MCTS1: variants seen among roughly 807,000 people sequenced by gnomAD.
MCTS1 encodes the protein malignant T-cell-amplified sequence 1.
For missense variants in MCTS1, 55 were observed against 128.6 expected (o/e 0.43, Z 2.77); for synonymous variants, 26 against 40.8 (o/e 0.64, Z 1.38).
chrX:120,607,847 C>T (rs1401172793), intron 3 of MCTS1, among the ~76,000 whole-genome samples: 1 of 110,995 alleles, frequency 9.0e-6, no homozygotes, highest in Non-Finnish European at 1.9e-5. Context: ...CGTTTTTTTA[C>T]TCTGCGTTTT....
intron 3 of MCTS1, among the ~76,000 whole-genome samples, chrX:120,606,784 C>CA (rs763945946): frequency 0.025 from 931 of 37,288 alleles, 18 homozygotes; most frequent in East Asian, 0.092. Context: ...GACTTAGTCT[C>CA]AAAAAAAAAA....
chrX:120,614,013 CAT>C lies in MCTS1; in HGVS notation c.*1753_*1754del, dbSNP rs774032330. Among the ~76,000 whole-genome samples, 82 of 112,333 alleles carry C rather than the reference CAT, an allele frequency of 7.3e-4. 1 individual carries two copies. The highest frequency in any genetic ancestry group is 2.5e-3 in the African/African-American group (77 of 30,957). On this transcript the variant is annotated 3_prime_UTR_variant, in exon 6 of 6. Transcript: ENST00000371317. ...ATTTTATTTTTCAGATGGATACAGACATATACAAGATTGTGGTGACCTGTGTT... is the reference window on the plus strand; with the variant it reads ...ATTTTATTTTTCAGATGGATACAGACATACAAGATTGTGGTGACCTGTGTT...
rs66864093 is a variant in MCTS1 at position 120,612,687 on chromosome X, ATGTGTGTGTGTGTGTG to A, written c.*433_*448del. On this transcript the variant is annotated 3_prime_UTR_variant, in exon 6 of 6. Transcript: ENST00000371317. ...TGTGTGTGTGTGTGTGTGTGTGTGT[ATGTGTGTGTGTGTGTG>A]TGTGTGTGTTTTGTTGATTGTTTTT... Among the ~76,000 whole-genome samples, 1 of 93,667 alleles carries A rather than the reference ATGTGTGTGTGTGTGTG, an allele frequency of 1.1e-5. No homozygotes were observed. The highest frequency in any genetic ancestry group is 3.8e-5 in the African/African-American group (1 of 26,200). 81.3% of individuals were successfully genotyped at this position (93,667 alleles called of 115,157 possible). A position where few individuals can be genotyped will look rare whatever the true frequency, so the allele number is the denominator to read the frequency against.
In MCTS1 at chrX:120,618,266, A is replaced by G. The variant is rs1926912291; in HGVS notation, c.*6002A>G. On this transcript the variant is annotated 3_prime_UTR_variant, in exon 6 of 6. Coordinates refer to ENST00000371317, the MANE Select transcript of MCTS1 (RefSeq NM_014060.3). ...GTTCCTGCCGACTGATGTTTTAACAAATTTTTAGTTTCTCATGATGTGAAA... is the reference window on the plus strand; with the variant it reads ...GTTCCTGCCGACTGATGTTTTAACAGATTTTTAGTTTCTCATGATGTGAAA... Among the ~76,000 whole-genome samples the G allele has an allele frequency of 8.9e-6, 1 of 112,117 alleles. No homozygotes were observed. Among genetic ancestry groups the G allele is most frequent in the Admixed American group, 9.4e-5 (1 of 10,594 alleles).
At chrX:120,604,707 C>T in intron 1 of MCTS1, 1 of 1,039,883 alleles carries the variant, frequency 9.6e-7, no homozygotes, top group Non-Finnish European at 1.2e-6. Flanking sequence ...GCCTGTCATG[C>T]CTATTGCCTA....
chrX:120,605,322 A>G (rs1926504077), intron 1 of MCTS1, 85 bp from the exon 2 acceptor site: 3 of 847,230 alleles, frequency 3.5e-6, no homozygotes, highest in Non-Finnish European at 4.9e-6. Flanking sequence ...TTGGGAATAA[A>G]TGACTAATTA....
chrX:120,605,313 T>G (rs867568115), intron 1 of MCTS1, 94 bp from the exon 2 acceptor site: 19 of 763,052 alleles, frequency 2.5e-5, no homozygotes, highest in South Asian at 3.2e-5. Context: ...AATACTTGGT[T>G]GGGAATAAAT....
At position 120,613,114 on chromosome X, in the gene MCTS1, T is replaced by C. The variant is rs972388039; in HGVS notation, c.*850T>C. ...GCTAATTTTGTATTTTTGGTAGAGA[T>C]GGGGTTTCGCTATGTTGGCCAGACT... On this transcript the variant is annotated 3_prime_UTR_variant, in exon 6 of 6. Coordinates refer to ENST00000371317, the MANE Select transcript of MCTS1 (RefSeq NM_014060.3). 3.6e-5 allele frequency among the ~76,000 whole-genome samples: 4 copies of C among 109,731 alleles called. No homozygotes were observed. The highest frequency in any genetic ancestry group is 1.3e-4 in the African/African-American group (4 of 30,176).
At chrX:120,605,607 T>C in intron 2 of MCTS1, 48 bp downstream of exon 2, 1 of 1,110,759 alleles carries the variant, frequency 9.0e-7, no homozygotes, top group Non-Finnish European at 1.2e-6. Context: ...GCTGAATATT[T>C]AATGATTAGA....
chrX:120,612,095 AT>A (rs1374326255), intron 5 of MCTS1, 87 bp from the exon 6 acceptor site: 1 of 702,669 alleles, frequency 1.4e-6, no homozygotes, highest in Non-Finnish European at 2.2e-6. Context: ...TAATTAAAAA[AT>A]AACAATATAC....
Position 120,604,882 on chromosome X carries a change from T to C in MCTS1, c.12-525T>C. 3 of 1,153,461 alleles carry C rather than the reference T, an allele frequency of 2.6e-6. No individual in the cohort carries two copies. In the East Asian group the frequency reaches 9.9e-5, roughly 38 times the overall value. On this transcript the variant is annotated intron_variant, in intron 1 of 5. Coordinates refer to ENST00000371317, the MANE Select transcript of MCTS1 (RefSeq NM_014060.3). ...GGCAAAGGAAGGTGGGTTTTGTGCA[T>C]GAAATTTTGAGCAAAAACGAATAGG...
In MCTS1 at chrX:120,605,389, G is replaced by A. The variant is rs1219942956; in HGVS notation, c.12-18G>A. 8.7e-7 allele frequency: 1 copy of A among 1,152,137 alleles called. No homozygotes were observed. The highest frequency in any genetic ancestry group is 3.2e-5 in the East Asian group (1 of 30,978). 94.9% of individuals were successfully genotyped at this position (1,152,137 alleles called of 1,213,427 possible). On this transcript the variant is annotated intron_variant, in intron 1 of 5. Coordinates refer to ENST00000371317, the MANE Select transcript of MCTS1 (RefSeq NM_014060.3). ...ACTTAGAAATGCCTTTTCTTTTCTT[G>A]CAAAAATTACTTGGCAGATTTGATG...
At chrX:120,606,784 C>CAA (rs763945946) in intron 3 of MCTS1, among the ~76,000 whole-genome samples, 8,445 of 36,644 alleles carry the variant, frequency 0.23, 818 homozygotes, top group Non-Finnish European at 0.32. Flanking sequence ...GACTTAGTCT[C>CAA]AAAAAAAAAA....
rs1184608204 is a variant in MCTS1 at position 120,613,525 on chromosome X, GTTTAA to G, written c.*1266_*1270del. ...ATTTGGTTGTTATTTATTGAAGTCT[GTTTAA>G]TTTATAAGTTACCTTTTCTTTTCCC... On this transcript the variant is annotated 3_prime_UTR_variant, in exon 6 of 6. Coordinates refer to ENST00000371317, the MANE Select transcript of MCTS1 (RefSeq NM_014060.3). Among the ~76,000 whole-genome samples, 1 of 112,163 alleles carries G rather than the reference GTTTAA, an allele frequency of 8.9e-6. No homozygotes were observed. Among genetic ancestry groups the G allele is most frequent in the Admixed American group, 9.5e-5 (1 of 10,554 alleles).
intron 4 of MCTS1, 140 bp from the exon 5 acceptor site, chrX:120,610,871 G>A: frequency 1.9e-6 from 1 of 528,746 alleles, no homozygotes; most frequent in East Asian, 3.4e-5. Context: ...CTGCTCTCAA[G>A]GAGTTAATGG....
At chrX:120,604,348 C>G in intron 1 of MCTS1, 101 bp downstream of exon 1, 1 of 1,060,741 alleles carries the variant, frequency 9.4e-7, no homozygotes, top group South Asian at 2.0e-5. Flanking sequence ...CTCCCCCGCC[C>G]CTGCCATCCT....
chrX:120,608,319 T>G lies in MCTS1; in HGVS notation c.357T>G (p.Pro119=), dbSNP rs1440276285. Residue 119 remains proline, a synonymous_variant, in exon 4 of 6, where the codon CCT becomes CCG. Coordinates refer to ENST00000371317, the MANE Select transcript of MCTS1 (RefSeq NM_014060.3). Reference sequence around the variant, plus strand: ...TCATGTGTCCAGGCTTAACTTCTCCTGGAGCTAAGCTTTACCCTGCTGCAG... The same window carrying G: ...TCATGTGTCCAGGCTTAACTTCTCCGGGAGCTAAGCTTTACCCTGCTGCAG... The part of the protein sequence containing the change: ...ANIMCPGLTS[P]GAKLYPAAVD... 8.3e-7 allele frequency: 1 copy of G among 1,205,926 alleles called. No homozygotes were observed. The highest frequency in any genetic ancestry group is 1.1e-6 in the Non-Finnish European group (1 of 891,437).
chrX:120,604,282 C>T, intron 1 of MCTS1, 35 bp downstream of exon 1: 4 of 1,173,176 alleles, frequency 3.4e-6, no homozygotes, highest in Non-Finnish European at 3.5e-6. Flanking sequence ...CGGCTGCTCA[C>T]AAAGGCGGTG....
At position 120,612,865 on chromosome X, in the gene MCTS1, A is replaced by AC. The variant is rs1926733360; in HGVS notation, c.*607dup. Among the ~76,000 whole-genome samples the AC allele has an allele frequency of 9.9e-6, 1 of 101,263 alleles. No individual in the cohort carries two copies. The highest frequency in any genetic ancestry group is 2.0e-5 in the Non-Finnish European group (1 of 49,771). The allele number at this position is 101,263 out of a possible 115,157, so 87.9% of individuals were successfully genotyped here. On this transcript the variant is annotated 3_prime_UTR_variant, in exon 6 of 6. Transcript: ENST00000371317. ...ATCTATACCTCAATTATTTCTCCCC[A>AC]CCCCCCAATTATTTTGAAGCAAATC...
Sources: allele counts gnomAD v4.1 joint callset (sites outside exome capture counted in the v4.1 genomes callset), GRCh38; gene constraint gnomAD v4.1.1; transcripts MANE v1.5; gene names NCBI Gene and HGNC (gene_info 2026-07-23, HGNC 2026-07-21).